Variants in PBRM1 observed in about 807,000 individuals in gnomAD.
PBRM1 encodes protein polybromo-1.
In PBRM1, 27 loss-of-function variants were observed where a neutral mutation model predicts 194.5. The observed-to-expected ratio is 0.14, with a 90% CI of 0.10 to 0.19. The LOEUF (loss-of-function observed/expected upper bound fraction) is 0.19. PBRM1 is among the 10% of genes least tolerant of loss of function. PBRM1 has a pLI of 1.00. For synonymous variants in PBRM1, 655 were observed against 693.2 expected (o/e 0.94, Z 0.87); for missense variants, 1,466 against 2,077.2 (o/e 0.71, Z 5.72).
At chr3:52,679,840 T>C, upstream of PBRM1, 3 of 719,024 alleles carry the variant, frequency 4.2e-6, no homozygotes, top group Non-Finnish European at 6.4e-6. Context: ...TTTAACGTGT[T>C]GTAGTTTAAC....
chr3:52,551,306 C>T (rs185780795), intron 27 of PBRM1, among the ~76,000 whole-genome samples: 1 of 152,322 alleles, frequency 6.6e-6, no homozygotes, highest in Admixed American at 6.5e-5. Context: ...GAAGGCACAG[C>T]CTTGCTATCC....
chr3:52,585,874 A>T (rs900479867), intron 20 of PBRM1: 3 of 151,752 alleles, frequency 2.0e-5, no homozygotes, highest in African/African-American at 7.3e-5. Context: ...TCCCATTATT[A>T]GATAGTTGGC....
At chr3:52,607,386 C>G (rs2094402349) in intron 16 of PBRM1, among the ~76,000 whole-genome samples, 2 of 152,122 alleles carry the variant, frequency 1.3e-5, no homozygotes. Context: ...TAAAAATACA[C>G]CTTGGACTCT....
At chr3:52,658,069 A>C (rs192312349) in intron 5 of PBRM1, 130 bp downstream of exon 6, 91 of 598,324 alleles carry the variant, frequency 1.5e-4, no homozygotes, top group African/African-American at 1.3e-3. Context: ...CTGGGATTAC[A>C]GGCATGAGCC....
downstream of PBRM1, chr3:52,547,888 A>G: frequency 3.8e-6 from 2 of 521,536 alleles, no homozygotes; most frequent in South Asian, 5.7e-5. Context: ...TTAATATAAC[A>G]AACAAATTGA....
chr3:52,583,221 C>T (rs1339167776), intron 20 of PBRM1, among the ~76,000 whole-genome samples: 1 of 151,606 alleles, frequency 6.6e-6, no homozygotes, highest in African/African-American at 2.4e-5. Context: ...ACCAGCCTGG[C>T]CAACATGGTG....
chr3:52,668,520 T>C (rs1468575151), exon 3 of PBRM1: 2 of 1,604,770 alleles, frequency 1.2e-6, no homozygotes, highest in Non-Finnish European at 1.7e-6. Context: ...CTTTGCATTG[T>C]TAAAAAGAAG....
At chr3:52,648,538 A>G (rs1167865648) in intron 6 of PBRM1, 96 bp from the exon 8 acceptor site, 36 of 639,302 alleles carry the variant, frequency 5.6e-5, no homozygotes, top group Non-Finnish European at 8.9e-5. Context: ...AATTGTCACC[A>G]TATTCCAAGA....
intron 16 of PBRM1, among the ~76,000 whole-genome samples, chr3:52,607,876 C>T (rs986540891): frequency 2.6e-5 from 4 of 152,208 alleles, no homozygotes; most frequent in African/African-American, 9.7e-5. Flanking sequence ...AAAAGTGTCA[C>T]ACATGGGCCT....
chr3:52,558,176 C>A (rs2082628719), intron 26 of PBRM1, 73 bp downstream of exon 28: 1 of 1,115,650 alleles, frequency 9.0e-7, no homozygotes, highest in Admixed American at 2.7e-5. Flanking sequence ...CTGTGGCCTA[C>A]TCCTTATTGG....
intron 11 of PBRM1, among the ~76,000 whole-genome samples, chr3:52,632,547 G>C (rs894896622): frequency 1.3e-5 from 2 of 152,140 alleles, no homozygotes; most frequent in Non-Finnish European, 2.9e-5. Flanking sequence ...CAACAGAGCA[G>C]AGACCCTGTC....
At chr3:52,634,887 T>A in intron 10 of PBRM1, 72 bp from the exon 12 acceptor site, 1 of 1,016,024 alleles carries the variant, frequency 9.8e-7, no homozygotes, top group Non-Finnish European at 1.5e-6. Flanking sequence ...AAAGTTCATT[T>A]AACAACCTTC....
At chr3:52,574,287 G>A (rs370778176) in intron 22 of PBRM1, among the ~76,000 whole-genome samples, 5 of 152,276 alleles carry the variant, frequency 3.3e-5, no homozygotes, top group African/African-American at 9.6e-5. Context: ...CCATTTACAT[G>A]AGCCCTTTTT....
intron 22 of PBRM1, among the ~76,000 whole-genome samples, chr3:52,575,323 G>A (rs1244480730): frequency 6.6e-6 from 1 of 152,070 alleles, no homozygotes; most frequent in Admixed American, 6.6e-5. Context: ...AGGATGGGGA[G>A]AATCTGATTT....
intron 22 of PBRM1, among the ~76,000 whole-genome samples, chr3:52,569,765 T>C (rs2086452990): frequency 6.6e-6 from 1 of 152,222 alleles, no homozygotes; most frequent in African/African-American, 2.4e-5. Context: ...TAGTACTGAA[T>C]CTTTTAAGAT....
Position 52,596,695 on chromosome 3 carries a change from G to T in PBRM1, c.2779+6826C>A, listed in dbSNP as rs1331491021. Among the ~76,000 whole-genome samples, 5 of 152,002 alleles carry T rather than the reference G, an allele frequency of 3.3e-5. No homozygotes were observed. In the East Asian group the frequency reaches 9.7e-4, roughly 29 times the overall value. On this transcript the variant is annotated intron_variant, in intron 17 of 29. Coordinates refer to ENST00000296302, the Ensembl canonical transcript of PBRM1. ...GGACTGCCCAGTGCCTTATCCTACT[G>T]TGGCTGAGCTGGTATCTAAGCTGCA...
exon 24 of PBRM1, chr3:52,563,321 C>G: frequency 6.2e-7 from 1 of 1,614,000 alleles, no homozygotes; most frequent in Non-Finnish European, 8.5e-7. Flanking sequence ...AGCTCACTGG[C>G]CAGGGGGGTC....
At chr3:52,575,289 A>C (rs1411053236) in intron 22 of PBRM1, among the ~76,000 whole-genome samples, 1 of 152,134 alleles carries the variant, frequency 6.6e-6, no homozygotes. Flanking sequence ...CATAACCTAT[A>C]ATAAGTATTA....
intron 7 of PBRM1, among the ~76,000 whole-genome samples, chr3:52,647,626 T>C (rs905959008): frequency 1.3e-5 from 2 of 151,856 alleles, no homozygotes; most frequent in African/African-American, 2.4e-5. Context: ...TATATCCCTA[T>C]AGTAGAATAT....
Sources: allele counts gnomAD v4.1 joint callset (sites outside exome capture counted in the v4.1 genomes callset), GRCh38; gene constraint gnomAD v4.1.1; transcripts MANE v1.5; gene names NCBI Gene and HGNC (gene_info 2026-07-23, HGNC 2026-07-21).